The following MTUS2 variants were observed in gnomAD, a reference collection of about 807,000 sequenced individuals.
MTUS2 encodes microtubule associated scaffold protein 2.
A neutral mutation model predicts 114.1 loss-of-function variants in MTUS2; 40 were observed. That is an observed-to-expected ratio of 0.35 (90% confidence interval 0.27 to 0.46). MTUS2 has a LOEUF of 0.46. Ranked by LOEUF, MTUS2 falls within the 20% of genes least tolerant of loss-of-function variation. MTUS2 has a pLI of 1.00. For synonymous variants in MTUS2, 688 were observed against 672.0 expected (o/e 1.02, Z -0.37); for missense variants, 1,679 against 1,705.4 (o/e 0.98, Z 0.27).
chr13:29,440,814 C>T (rs1379184139), intron 9 of MTUS2, among the ~76,000 whole-genome samples: 12 of 152,050 alleles, frequency 7.9e-5, no homozygotes, highest in South Asian at 2.1e-4. Flanking sequence ...TGGCTTCCTC[C>T]GTGAGTGAAG....
At chr13:29,420,632 T>C (rs566400849) in intron 8 of MTUS2, among the ~76,000 whole-genome samples, 7 of 152,306 alleles carry the variant, frequency 4.6e-5, no homozygotes, top group Admixed American at 4.6e-4. Flanking sequence ...ATTCAGCTTA[T>C]GGTTCACTGG....
At chr13:28,844,474 C>G (rs1461160972) in intron 2 of MTUS2, among the ~76,000 whole-genome samples, 1 of 151,210 alleles carries the variant, frequency 6.6e-6, no homozygotes, top group Non-Finnish European at 1.5e-5. Context: ...GGATATTTCT[C>G]TTAGATGCCA....
chr13:29,358,315 C>T (rs768552426), intron 7 of MTUS2, among the ~76,000 whole-genome samples: 17 of 152,132 alleles, frequency 1.1e-4, no homozygotes, highest in African/African-American at 1.7e-4. Context: ...TTTTGGGGGA[C>T]CTTGCCTTTT....
In MTUS2 at chr13:29,503,209, C is replaced by T; in HGVS notation, c.*3C>T. The T allele has an allele frequency of 6.2e-7, 1 of 1,613,464 alleles. No individual in the cohort carries two copies. The highest frequency in any genetic ancestry group is 8.5e-7 in the Non-Finnish European group (1 of 1,180,020). ...GAGTCAGCACAACACCCAGATGACGCCACTACACGGCCTGCGGGAGCTCCG... is the reference window on the plus strand; with the variant it reads ...GAGTCAGCACAACACCCAGATGACGTCACTACACGGCCTGCGGGAGCTCCG... On this transcript the variant is annotated 3_prime_UTR_variant, in exon 16 of 16. Coordinates refer to ENST00000612955, the MANE Select transcript of MTUS2 (RefSeq NM_001033602.4).
At chr13:29,351,077 G>A (rs540787611) in intron 7 of MTUS2, among the ~76,000 whole-genome samples, 1 of 151,762 alleles carries the variant, frequency 6.6e-6, no homozygotes, top group Non-Finnish European at 1.5e-5. Flanking sequence ...GCCACCACAG[G>A]TGGAAGTGGA....
intron 2 of MTUS2, among the ~76,000 whole-genome samples, chr13:28,974,344 T>G (rs971653454): frequency 1.3e-5 from 2 of 152,254 alleles, no homozygotes; most frequent in Non-Finnish European, 2.9e-5. Context: ...TGAGCCACGT[T>G]TTTAAAAACA....
intron 5 of MTUS2, among the ~76,000 whole-genome samples, chr13:29,277,466 A>G (rs1472253092): frequency 6.6e-6 from 1 of 152,242 alleles, no homozygotes; most frequent in Non-Finnish European, 1.5e-5. Context: ...TAAAAGTTCA[A>G]GGTTGTGATA....
At chr13:29,244,433 A>T (rs919739182) in intron 5 of MTUS2, among the ~76,000 whole-genome samples, 2 of 152,062 alleles carry the variant, frequency 1.3e-5, no homozygotes, top group Non-Finnish European at 2.9e-5. Flanking sequence ...ATCCCGGGAA[A>T]AGGAGAGAAG....
At chr13:29,494,807 G>A (rs1297187139) in intron 12 of MTUS2, among the ~76,000 whole-genome samples, 4 of 152,104 alleles carry the variant, frequency 2.6e-5, no homozygotes, top group Non-Finnish European at 4.4e-5. Context: ...GGGAGGTCGA[G>A]GGGGGCAGAT....
At chr13:29,186,420 G>A (rs1343465678) in intron 5 of MTUS2, among the ~76,000 whole-genome samples, 1 of 151,974 alleles carries the variant, frequency 6.6e-6, no homozygotes, top group Non-Finnish European at 1.5e-5. Context: ...TAAAGAATGG[G>A]AAAAATAATT....
chr13:29,326,011 G>C (rs1399628928), intron 7 of MTUS2, among the ~76,000 whole-genome samples: 1 of 152,172 alleles, frequency 6.6e-6, no homozygotes, highest in East Asian at 1.9e-4. Flanking sequence ...ATGGAAAATA[G>C]GTCAAAGCCG....
intron 5 of MTUS2, among the ~76,000 whole-genome samples, chr13:29,186,338 TA>T (rs1370668927): frequency 4.6e-5 from 7 of 152,104 alleles, no homozygotes; most frequent in African/African-American, 1.7e-4. Context: ...AACACTGAAT[TA>T]AAAAATGATC....
intron 2 of MTUS2, among the ~76,000 whole-genome samples, chr13:28,900,390 C>T (rs1456800822): frequency 2.6e-5 from 4 of 152,128 alleles, no homozygotes; most frequent in Non-Finnish European, 4.4e-5. Context: ...ATTCCTTCAC[C>T]ACCAGGATCC....
chr13:29,432,008 CTATTTTTTT>C (rs1877027961), intron 8 of MTUS2, among the ~76,000 whole-genome samples: 2 of 119,142 alleles, frequency 1.7e-5, no homozygotes, highest in Admixed American at 8.8e-5. Flanking sequence ...CCACGCTCAG[CTATTTTTTT>C]TTTTTTTTTT....
intron 5 of MTUS2, among the ~76,000 whole-genome samples, chr13:29,245,238 AATTC>A (rs1896877965): frequency 6.6e-6 from 1 of 152,130 alleles, no homozygotes; most frequent in African/African-American, 2.4e-5. Context: ...GGTGGTAGAT[AATTC>A]ATGGTTTTTG....
chr13:29,366,159 A>G (rs1433668700), intron 8 of MTUS2, among the ~76,000 whole-genome samples: 1 of 152,158 alleles, frequency 6.6e-6, no homozygotes, highest in Non-Finnish European at 1.5e-5. Context: ...CATACTTGAG[A>G]CTGGGCAATT....
chr13:29,235,136 G>T (rs535893351), intron 5 of MTUS2, among the ~76,000 whole-genome samples: 1 of 151,998 alleles, frequency 6.6e-6, no homozygotes, highest in Admixed American at 6.5e-5. Flanking sequence ...TGCTCTTGTT[G>T]CCCAGGCTGG....
chr13:29,194,604 G>A (rs1307659658), intron 5 of MTUS2, among the ~76,000 whole-genome samples: 1 of 151,162 alleles, frequency 6.6e-6, no homozygotes, highest in Non-Finnish European at 1.5e-5. Context: ...AACAGGTGCT[G>A]GAGAGGATGT....
chr13:28,844,590 AGTGT>A (rs60819520), intron 2 of MTUS2, among the ~76,000 whole-genome samples: 35 of 148,194 alleles, frequency 2.4e-4, no homozygotes, highest in African/African-American at 7.7e-4. Flanking sequence ...TTTGTGTGTG[AGTGT>A]GTGTGTGTGT....
Sources: allele counts gnomAD v4.1 joint callset (sites outside exome capture counted in the v4.1 genomes callset), GRCh38; gene constraint gnomAD v4.1.1; transcripts MANE v1.5; gene names NCBI Gene and HGNC (gene_info 2026-07-23, HGNC 2026-07-21).